Variants in ASAH1 observed in about 807,000 individuals in gnomAD.
The protein encoded by ASAH1 is N-acylsphingosine amidohydrolase 1.
ASAH1 carries 70 observed loss-of-function variants against 59.5 expected under a neutral mutation model. That is an observed-to-expected ratio of 1.18 (90% CI 0.97 to 1.43). The LOEUF (loss-of-function observed/expected upper bound fraction) is 1.43. ASAH1 is among the 40% of genes most tolerant of loss of function. ASAH1 has a pLI of 0.00. For missense variants in ASAH1, 660 were observed against 482.5 expected, an observed-to-expected ratio of 1.37 and a Z score of -3.45; for synonymous variants, 213 against 166.5, an observed-to-expected ratio of 1.28 and a Z score of -2.15.
chr8:18,077,597 T>C (rs896257972), intron 1 of ASAH1, among the ~76,000 whole-genome samples: 8 of 152,156 alleles, frequency 5.3e-5, no homozygotes, highest in African/African-American at 1.7e-4. Context: ...AAAAATCACA[T>C]GCTTTGTTCT....
At chr8:18,062,182 T>C (rs935256498) in intron 8 of ASAH1, 97 bp downstream of exon 8, 8 of 1,530,918 alleles carry the variant, frequency 5.2e-6, no homozygotes, top group South Asian at 2.3e-5. Flanking sequence ...GGGCTTCATA[T>C]TCCCTTTAGG....
chr8:18,069,594 G>A (rs1164764359), intron 4 of ASAH1, 198 bp downstream of exon 4: 8 of 522,746 alleles, frequency 1.5e-5, no homozygotes, highest in East Asian at 1.3e-4. Context: ...CCCCTTTTAC[G>A]AAACCATAAT....
chr8:18,078,923 C>A (rs1462371564), intron 1 of ASAH1, among the ~76,000 whole-genome samples: 1 of 151,530 alleles, frequency 6.6e-6, no homozygotes, highest in African/African-American at 2.4e-5. Flanking sequence ...TTTCTCCCTG[C>A]CCCTCAGTGG....
chr8:18,058,619 T>C, intron 13 of ASAH1: 1 of 577,708 alleles, frequency 1.7e-6, no homozygotes, highest in East Asian at 2.9e-5. Context: ...AATAAAGCTA[T>C]AAACAATATT....
intron 3 of ASAH1, 39 bp downstream of exon 3, chr8:18,071,261 A>G: frequency 9.3e-7 from 1 of 1,075,930 alleles, no homozygotes; most frequent in Non-Finnish European, 1.2e-6. Flanking sequence ...AATAAAAAAT[A>G]AAAATAAAGA....
rs765095109 is a variant in ASAH1 at position 18,069,923 on chromosome 8, T to C, written c.217-45A>G. The C allele has an allele frequency of 3.7e-6, 5 of 1,368,998 alleles. No individual in the cohort carries two copies. In the Admixed American group the frequency reaches 6.8e-5, roughly 19 times the overall value. The allele number at this position is 1,368,998 out of a possible 1,614,324, so 84.8% of individuals were successfully genotyped here. A position where few individuals can be genotyped will look rare whatever the true frequency, so the allele number is the denominator to read the frequency against. On this transcript the variant is annotated intron_variant, in intron 3 of 13. Coordinates refer to ENST00000637790, the MANE Select transcript of ASAH1 (RefSeq NM_177924.5). The stretch of plus-strand genomic sequence containing the variant: ...CTTACTAAAAGACATAATGAAATGC[T>C]GTCAAGATTACCTTTTGGCTTACCC...
chr8:18,062,014 C>T, intron 8 of ASAH1: 1 of 619,446 alleles, frequency 1.6e-6, no homozygotes, highest in Non-Finnish European at 2.8e-6. Context: ...GAGCGGAAGA[C>T]CCAGGACTAG....
intron 6 of ASAH1, 177 bp downstream of exon 6, chr8:18,064,280 T>C: frequency 3.1e-6 from 2 of 637,398 alleles, no homozygotes; most frequent in Non-Finnish European, 5.5e-6. Context: ...TACAGTAGTC[T>C]GAAAATAAGG....
intron 5 of ASAH1, 120 bp downstream of exon 5, chr8:18,067,100 T>TGCACCTGTGCTGTATATCTAAGAGATACA: frequency 1.8e-6 from 1 of 548,496 alleles, no homozygotes; most frequent in Non-Finnish European, 3.0e-6. Flanking sequence ...CTAAGACCTG[T>TGCACCTGTGCTGTATATCTAAGAGATACA]GCACCTGTGC....
rs200758704 is a variant in ASAH1, at chr8:18,075,578, C to A, written c.88G>T (p.Asp30Tyr). The change falls in exon 2 of 14, where the codon GAC (aspartate) becomes TAC (tyrosine). Residue 30 changes from aspartate (D) to tyrosine (Y), a missense_variant. Physicochemically the swap from Asp to Tyr is radical, Grantham distance 160. Coordinates refer to ENST00000637790, the MANE Select transcript of ASAH1 (RefSeq NM_177924.5). ...VAQHAPPWTE[D>Y]CRKSTYPPSG... is the part of the protein sequence containing the mutation. ...GGAGGATAGGTTGATTTTCTGCAGT[C>A]CTCTGTCCACTGAAAAGCAAAGAAA... 5.8e-5 allele frequency: 94 copies of A among 1,614,006 alleles called. No individual in the cohort carries two copies. Among genetic ancestry groups the A allele is most frequent in the South Asian group, 2.0e-4 (18 of 91,084 alleles).
rs747134165 is a variant in ASAH1 at position 18,058,873 on chromosome 8, T to C, written c.1060A>G (p.Met354Val). The C allele has an allele frequency of 1.2e-6, 2 of 1,612,398 alleles. No individual in the cohort carries two copies. The highest frequency in any genetic ancestry group is 1.7e-6 in the Non-Finnish European group (2 of 1,178,416). The change falls in exon 13 of 14, where the codon ATG becomes GTG. Residue 354 changes from methionine (M) to valine (V), a missense_variant. Met to Val is a conservative substitution (Grantham distance 21). Transcript: ENST00000637790. ...TSQENISFETMYDVLSTKPVL... is the reference protein window; with the variant it reads ...TSQENISFETVYDVLSTKPVL... ...GGTTTTGTTGACAGGACATCATACA[T>C]GGTTTCAAATGAGATATTCTAAAAC... is the stretch of plus-strand genomic sequence containing the variant.
At chr8:18,084,415 C>A (rs943313172), upstream of ASAH1, 18 of 1,389,222 alleles carry the variant, frequency 1.3e-5, no homozygotes, top group African/African-American at 2.9e-5. Context: ...ACCCGTGGCG[C>A]CTCGATGGGG....
rs1398374219 is a variant in ASAH1 at position 18,056,643 on chromosome 8, A to C, written c.*891T>G. ...AAAATACAGTAACATAATTTTAGTA[A>C]CTACTAAAATTTCTTTAAAACTCCC... On this transcript the variant is annotated 3_prime_UTR_variant, in exon 14 of 14. Transcript: ENST00000637790. 6.6e-6 allele frequency: 1 copy of C among 152,252 alleles called. No individual in the cohort carries two copies. The highest frequency in any genetic ancestry group is 1.5e-5 in the Non-Finnish European group (1 of 68,042). 9.4% of individuals were successfully genotyped at this position (152,252 alleles called of 1,614,324 possible).
At chr8:18,069,140 CAAAAAA>C (rs34419879) in intron 4 of ASAH1, among the ~76,000 whole-genome samples, 1 of 90,118 alleles carries the variant, frequency 1.1e-5, no homozygotes, top group Admixed American at 1.1e-4. Flanking sequence ...GATGAGGTCT[CAAAAAA>C]AAAAAAAAAA....
Position 18,059,628 on chromosome 8 carries a change from C to A in ASAH1, c.861G>T (p.Gln287His). The change falls in exon 11 of 14, where the codon CAG becomes CAT. Residue 287 changes from glutamine to histidine, a missense_variant. By Grantham distance (24) the Gln-to-His change is conservative (BLOSUM62 0). Coordinates refer to ENST00000637790, the MANE Select transcript of ASAH1 (RefSeq NM_177924.5). ...APAYFILGGN[Q>H]SGEGCVITRD... Reference sequence around the variant, plus strand: ...GTGTAATCACACAACCTTCCCCAGACTGGTTGCCTCCCAGGATAAAGTAGG... The same window carrying A: ...GTGTAATCACACAACCTTCCCCAGAATGGTTGCCTCCCAGGATAAAGTAGG... 6.2e-7 allele frequency: 1 copy of A among 1,614,214 alleles called. No individual in the cohort carries two copies. Among genetic ancestry groups the A allele is most frequent in the Non-Finnish European group, 8.5e-7 (1 of 1,180,028 alleles).
intron 10 of ASAH1, 32 bp downstream of exon 10, chr8:18,061,345 A>G: frequency 6.5e-7 from 1 of 1,528,264 alleles, no homozygotes; most frequent in South Asian, 1.2e-5. Context: ...TTTAAAATAA[A>G]TATTTAATAG....
chr8:18,076,583 T>G (rs1188299756), intron 1 of ASAH1: 1 of 152,256 alleles, frequency 6.6e-6, no homozygotes, highest in Non-Finnish European at 1.5e-5. Flanking sequence ...GAACCAGTTC[T>G]GTGAAAGTAA....
chr8:18,062,479 C>T, intron 7 of ASAH1, 56 bp from the exon 8 acceptor site: 1 of 1,595,922 alleles, frequency 6.3e-7, no homozygotes, highest in Non-Finnish European at 8.6e-7. Context: ...TAATGATCAA[C>T]ATGATGATGA....
At position 18,075,609 on chromosome 8, in the gene ASAH1, G is replaced by C. The variant is rs372476327; in HGVS notation, c.79-22C>G. 5.0e-6 allele frequency: 8 copies of C among 1,613,224 alleles called. No individual in the cohort carries two copies. In the African/African-American group the frequency reaches 8.0e-5, roughly 16 times the overall value. On this transcript the variant is annotated intron_variant, in intron 1 of 13. Transcript: ENST00000637790. ...TCCACTGAAAAGCAAAGAAAATTAA[G>C]TTTCAGAAAATAACAAATGCTTGCC...
Sources: allele counts gnomAD v4.1 joint callset (sites outside exome capture counted in the v4.1 genomes callset), GRCh38; gene constraint gnomAD v4.1.1; transcripts MANE v1.5; gene names NCBI Gene and HGNC (gene_info 2026-07-23, HGNC 2026-07-21).